Variants in VEPH1 observed in about 807,000 individuals in gnomAD.
VEPH1 encodes ventricular zone-expressed PH domain-containing protein homolog 1.
In VEPH1, 80 loss-of-function variants were observed where a neutral mutation model predicts 85.2. The ratio of observed to expected loss-of-function variants is 0.94; its 90% confidence interval spans 0.78 to 1.13. VEPH1 has a LOEUF of 1.13. VEPH1 is among the 50% of genes most tolerant of loss of function. The probability of loss-of-function intolerance (pLI) is 0.00; values close to 1 mark genes in which losing one functional copy is unlikely to be tolerated. For synonymous variants in VEPH1, 297 were observed against 348.0 expected, an observed-to-expected ratio of 0.85 and a Z score of 1.63; for missense variants, 955 against 980.5, an observed-to-expected ratio of 0.97 and a Z score of 0.35.
At chr3:157,319,009 A>G (rs554944016) in intron 9 of VEPH1, among the ~76,000 whole-genome samples, 1 of 152,210 alleles carries the variant, frequency 6.6e-6, no homozygotes, top group African/African-American at 2.4e-5. Context: ...TCTGTGCTCT[A>G]TCAGAGGTCA....
rs1019234721 is a variant in VEPH1, at chr3:157,503,373, G to A, written c.-254C>T. On this transcript the variant is annotated 5_prime_UTR_variant, in exon 1 of 14. Coordinates refer to ENST00000362010, the MANE Select transcript of VEPH1 (RefSeq NM_001167912.2). ...GGACCCATGACCATGCTCAGAGGCA[G>A]CCTTGCAGCTGCTGCCCAGTCCTGT... The A allele has an allele frequency of 6.6e-6, 1 of 152,336 alleles. No homozygotes were observed. The highest frequency in any genetic ancestry group is 1.5e-5 in the Non-Finnish European group (1 of 68,036). 9.4% of individuals were successfully genotyped at this position (152,336 alleles called of 1,614,324 possible).
At chr3:157,358,798 C>A (rs193239989) in intron 9 of VEPH1, among the ~76,000 whole-genome samples, 2 of 152,284 alleles carry the variant, frequency 1.3e-5, no homozygotes, top group Admixed American at 1.3e-4. Flanking sequence ...GAGATTGAGA[C>A]CATCCTGGTC....
At chr3:157,461,538 A>G (rs758507247) in intron 3 of VEPH1, among the ~76,000 whole-genome samples, 2 of 152,228 alleles carry the variant, frequency 1.3e-5, no homozygotes, top group Non-Finnish European at 2.9e-5. Flanking sequence ...AGGACCACTT[A>G]CATTCTTTAA....
intron 11 of VEPH1, among the ~76,000 whole-genome samples, chr3:157,310,674 G>A (rs1720012781): frequency 6.6e-6 from 1 of 152,200 alleles, no homozygotes; most frequent in South Asian, 2.1e-4. Flanking sequence ...CCCTCCATGT[G>A]GTGGCTCAGA....
chr3:157,404,194 G>A (rs1033202101), intron 6 of VEPH1, among the ~76,000 whole-genome samples: 1 of 152,098 alleles, frequency 6.6e-6, no homozygotes, highest in African/African-American at 2.4e-5. Flanking sequence ...CAGTTAGTTG[G>A]CAAGTACCTG....
intron 11 of VEPH1, among the ~76,000 whole-genome samples, chr3:157,312,480 A>G (rs1720212692): frequency 6.4e-5 from 1 of 15,516 alleles, no homozygotes; most frequent in Non-Finnish European, 1.2e-4. Flanking sequence ...GTATTTAACC[A>G]CCACCACCAC....
At chr3:157,436,075 G>A (rs574077384) in intron 4 of VEPH1, among the ~76,000 whole-genome samples, 1 of 152,090 alleles carries the variant, frequency 6.6e-6, no homozygotes, top group African/African-American at 2.4e-5. Context: ...TCAGGAGTTC[G>A]AGACCAGCCT....
intron 4 of VEPH1, among the ~76,000 whole-genome samples, chr3:157,448,334 G>A (rs4680367): frequency 0.64 from 97,606 of 152,080 alleles, 31,863 homozygotes; most frequent in East Asian, 0.8. Flanking sequence ...ATTTGAAGTC[G>A]TTTTGTGACT....
chr3:157,381,642 G>T, intron 6 of VEPH1: 2 of 444,544 alleles, frequency 4.5e-6, no homozygotes, highest in South Asian at 2.3e-5. Context: ...TCACTTGAAC[G>T]CAGGAGGCAG....
intron 3 of VEPH1, among the ~76,000 whole-genome samples, chr3:157,460,911 A>G (rs1735806299): frequency 6.6e-6 from 1 of 152,284 alleles, no homozygotes; most frequent in Admixed American, 6.5e-5. Flanking sequence ...AAGGTCCGGC[A>G]TACAAGGCTA....
intron 9 of VEPH1, among the ~76,000 whole-genome samples, chr3:157,348,686 G>A (rs1205413069): frequency 6.6e-6 from 1 of 152,212 alleles, no homozygotes; most frequent in Non-Finnish European, 1.5e-5. Flanking sequence ...GCAGAGGCCT[G>A]GTGCCTCCAC....
chr3:157,315,733 GAC>G (rs1720678923), intron 10 of VEPH1: 1 of 150,642 alleles, frequency 6.6e-6, no homozygotes, highest in Non-Finnish European at 1.5e-5. Context: ...TAAAGAGAAA[GAC>G]AAAGAATCAG....
At chr3:157,299,555 G>T in intron 11 of VEPH1, among the ~76,000 whole-genome samples, 1 of 71,640 alleles carries the variant, frequency 1.4e-5, no homozygotes, top group Non-Finnish European at 2.6e-5. Context: ...GTGAGGCCCT[G>T]TCTCAAAAAA....
intron 9 of VEPH1, among the ~76,000 whole-genome samples, chr3:157,352,865 A>G (rs10513509): frequency 0.23 from 34,691 of 152,140 alleles, 4,684 homozygotes; most frequent in Admixed American, 0.43. Flanking sequence ...AACATTCTTC[A>G]GGAAGGCTAG....
rs754873009 is a variant in VEPH1, at chr3:157,442,339, ATTC to A, written c.530-13854_530-13852del. 19 of 1,519,924 alleles carry A rather than the reference ATTC, an allele frequency of 1.3e-5. No individual in the cohort carries two copies. In the East Asian group the frequency reaches 3.2e-4, roughly 25 times the overall value. The allele number at this position is 1,519,924 out of a possible 1,614,324, so 94.2% of individuals were successfully genotyped here. ...TGAATTAATTTATATTTTCTTTAAT[ATTC>A]TTCTTATTTTCTTGCTACTCTAGGT... is the stretch of plus-strand genomic sequence containing the variant. On this transcript the variant is annotated intron_variant, in intron 4 of 13. Coordinates refer to ENST00000362010, the MANE Select transcript of VEPH1 (RefSeq NM_001167912.2).
chr3:157,363,801 A>T, intron 8 of VEPH1, 40 bp from the exon 9 acceptor site: 1 of 1,587,446 alleles, frequency 6.3e-7, no homozygotes, highest in South Asian at 1.1e-5. Context: ...AAGTTGTGTT[A>T]CCATTCACTG....
intron 4 of VEPH1, among the ~76,000 whole-genome samples, chr3:157,438,751 C>T (rs976249596): frequency 6.6e-6 from 1 of 152,172 alleles, no homozygotes; most frequent in Non-Finnish European, 1.5e-5. Context: ...CAAAATAATA[C>T]ATTCTAAAGA....
intron 9 of VEPH1, among the ~76,000 whole-genome samples, chr3:157,324,746 G>A (rs1721716231): frequency 6.6e-6 from 1 of 151,958 alleles, no homozygotes; most frequent in African/African-American, 2.4e-5. Flanking sequence ...TCACTGATGG[G>A]CATTTAGGTT....
At chr3:157,394,502 AAAG>A (rs1235750627) in intron 6 of VEPH1, among the ~76,000 whole-genome samples, 1 of 152,192 alleles carries the variant, frequency 6.6e-6, no homozygotes, top group African/African-American at 2.4e-5. Context: ...GCATTGCTAT[AAAG>A]AATACTCGAG....
Sources: gnomAD v4.1 joint callset for allele counts (sites outside exome capture counted in the v4.1 genomes callset) on GRCh38, gnomAD v4.1.1 for gene constraint, MANE v1.5 for transcripts, NCBI Gene and HGNC (gene_info 2026-07-23, HGNC 2026-07-21) for gene names.